ZNF534: variants seen among roughly 807,000 people sequenced by gnomAD.
The protein encoded by ZNF534 is zinc finger protein 534.
Under a neutral mutation model 13.6 loss-of-function variants are expected in ZNF534, and 19 were observed. The observed-to-expected ratio is 1.40, with a 90% confidence interval of 0.97 to 2.05. ZNF534 has a LOEUF of 2.05. ZNF534 is among the 30% of genes most tolerant of loss of function. The pLI, the probability that ZNF534 is intolerant of heterozygous loss-of-function variation, is 0.00. For synonymous variants in ZNF534, 244 were observed against 273.8 expected (o/e 0.89, Z 1.07); for missense variants, 782 against 796.3 (o/e 0.98, Z 0.22).
intron 4 of ZNF534, chr19:52,451,058 A>G (rs1256948152): frequency 1.9e-6 from 1 of 532,284 alleles, no homozygotes; most frequent in Middle Eastern, 4.7e-4. Context: ...TTGAATATGT[A>G]CATTGCGTTT....
In ZNF534 at chr19:52,439,193, A is replaced by G. The variant is rs1262524937; in HGVS notation, c.1733A>G (p.His578Arg). Residue 578 changes from histidine (H) to arginine (R), a missense_variant, in exon 5 of 5, where the codon CAC becomes CGC. Transcript: ENST00000433050. ...AATATTCATACTGGAGAGAAGCCTCACAGTTGTAATGAATGTGGCAAGGTC... is the reference window on the plus strand; with the variant it reads ...AATATTCATACTGGAGAGAAGCCTCGCAGTTGTAATGAATGTGGCAAGGTC... ...HRNIHTGEKPHSCNECGKVFS... is the reference protein window; with the variant it reads ...HRNIHTGEKPRSCNECGKVFS... The G allele has an allele frequency of 2.6e-6, 4 of 1,537,540 alleles. No homozygotes were observed. The Admixed American group carries it at 7.6e-5, about 29-fold the overall frequency.
intron 2 of ZNF534, among the ~76,000 whole-genome samples, chr19:52,433,128 A>T (rs75830472): frequency 0.15 from 21,803 of 149,730 alleles, 2,012 homozygotes; most frequent in African/African-American, 0.27. Flanking sequence ...CTGTAGTCCC[A>T]GCTACTCGGG....
At position 52,437,646 on chromosome 19, in the gene ZNF534, G is replaced by A. The variant is rs1042336110; in HGVS notation, c.272-86G>A. On this transcript the variant is annotated intron_variant, in intron 4 of 4. Coordinates refer to ENST00000433050, the MANE Select transcript of ZNF534 (RefSeq NM_001143938.3). ...GTATGCTGATAATTTCAATGTCTGA[G>A]TGAAGTGATGCAGAATCTTGTTTTC... 19 of 1,284,920 alleles carry A rather than the reference G, an allele frequency of 1.5e-5. No individual in the cohort carries two copies. In the African/African-American group the frequency reaches 2.7e-4, roughly 18 times the overall value. The allele number at this position is 1,284,920 out of a possible 1,614,324, so 79.6% of individuals were successfully genotyped here. A position where few individuals can be genotyped will look rare whatever the true frequency, so the allele number is the denominator to read the frequency against.
intron 3 of ZNF534, 96 bp from the exon 4 acceptor site, chr19:52,434,985 C>T: frequency 7.1e-7 from 1 of 1,405,834 alleles, no homozygotes; most frequent in East Asian, 2.4e-5. Flanking sequence ...AAATATTATT[C>T]TTGATTAATT....
Position 52,439,111 on chromosome 19 carries a change from A to G in ZNF534, c.1651A>G (p.Ser551Gly). The G allele has an allele frequency of 2.5e-6, 4 of 1,595,604 alleles. No homozygotes were observed. Among genetic ancestry groups the G allele is most frequent in the Non-Finnish European group, 3.4e-6 (4 of 1,170,462 alleles). Residue 551 changes from serine to glycine, a missense_variant, in exon 5 of 5, where the codon AGT becomes GGT. Ser to Gly is a moderately conservative substitution (Grantham distance 56). Coordinates refer to ENST00000433050, the MANE Select transcript of ZNF534 (RefSeq NM_001143938.3). ...TGTTCATACTGGAGAAAAGCCTTAC[A>G]GTTGTAATGAATGTGGCAAGGTCTT... ...RNVHTGEKPYSCNECGKVFSR... is the reference protein window; with the variant it reads ...RNVHTGEKPYGCNECGKVFSR...
chr19:52,434,185 G>A (rs1464186329), intron 3 of ZNF534, 104 bp downstream of exon 3: 2 of 1,500,198 alleles, frequency 1.3e-6, no homozygotes, highest in Non-Finnish European at 1.8e-6. Flanking sequence ...GACTGAGATT[G>A]AAACCTGTTG....
At chr19:52,446,555 T>TA (rs10656804), downstream of ZNF534, among the ~76,000 whole-genome samples, 4 of 151,508 alleles carry the variant, frequency 2.6e-5, no homozygotes, top group Admixed American at 6.6e-5. Context: ...GTGAGTGCTT[T>TA]AAAAAAAATC....
rs1400699965 is a variant in ZNF534, at chr19:52,439,504, G to A, written c.*58G>A. 4.2e-6 allele frequency: 6 copies of A among 1,444,876 alleles called. No individual in the cohort carries two copies. In the African/African-American group the frequency reaches 8.6e-5, roughly 21 times the overall value. The allele number at this position is 1,444,876 out of a possible 1,614,324, so 89.5% of individuals were successfully genotyped here. On this transcript the variant is annotated 3_prime_UTR_variant, in exon 5 of 5. Coordinates refer to ENST00000433050, the MANE Select transcript of ZNF534 (RefSeq NM_001143938.3). ...CACGTCTGTAATCCCAGCACTTTGGGAGTCCGAGGCAGGTGGATCATGAGG... is the reference window on the plus strand; with the variant it reads ...CACGTCTGTAATCCCAGCACTTTGGAAGTCCGAGGCAGGTGGATCATGAGG...
chr19:52,437,594 G>T, intron 4 of ZNF534, 138 bp from the exon 5 acceptor site: 1 of 833,444 alleles, frequency 1.2e-6, no homozygotes, highest in Non-Finnish European at 1.8e-6. Context: ...GGGTGACAAT[G>T]TGAGACTCCA....
chr19:52,451,825 T>G, exon 5 of ZNF534: 1 of 781,618 alleles, frequency 1.3e-6, no homozygotes. Flanking sequence ...CAAAAAAAGG[T>G]GATCGAATTG....
intron 1 of ZNF534, among the ~76,000 whole-genome samples, chr19:52,430,692 G>C (rs914605943): frequency 2.7e-5 from 4 of 149,870 alleles, no homozygotes; most frequent in Non-Finnish European, 4.4e-5. Flanking sequence ...TGGGATTATA[G>C]GTGCCTGCCA....
chr19:52,438,106 T>A lies in ZNF534; in HGVS notation c.646T>A (p.Cys216Ser). The part of the protein sequence containing the change: ...VIHIADKTYK[C>S]SDCGEIFSSN... ...CCACATTGCAGATAAAACTTACAAA[T>A]GTAGTGACTGTGGCGAGATCTTTAG... The change falls in exon 5 of 5, where the codon TGT (cysteine) becomes AGT (serine). Residue 216 changes from cysteine (C) to serine (S), a missense_variant. By Grantham distance (112) the Cys-to-Ser change is moderately radical. Coordinates refer to ENST00000433050, the MANE Select transcript of ZNF534 (RefSeq NM_001143938.3). 2 of 1,614,116 alleles carry A rather than the reference T, an allele frequency of 1.2e-6. No homozygotes were observed. The highest frequency in any genetic ancestry group is 1.7e-6 in the Non-Finnish European group (2 of 1,180,000).
chr19:52,452,069 C>T lies in ZNF534; in HGVS notation c.*572C>T, dbSNP rs567376256. 1.7e-5 allele frequency: 3 copies of T among 179,078 alleles called. No individual in the cohort carries two copies. The East Asian group carries it at 5.2e-4, about 31-fold the overall frequency. 11.1% of individuals were successfully genotyped at this position (179,078 alleles called of 1,614,324 possible). On this transcript the variant is annotated 3_prime_UTR_variant, in exon 5 of 5. Transcript: ENST00000301085. ...CTAGCTTTACCTTCTAAAAGTACTG[C>T]ATTTTTTTTTTATGATCAAAGAAGA... is the stretch of plus-strand genomic sequence containing the variant.
chr19:52,431,412 C>A lies in ZNF534; in HGVS notation c.-63C>A. On this transcript the variant is annotated 5_prime_UTR_variant, in exon 2 of 5. Coordinates refer to ENST00000433050, the MANE Select transcript of ZNF534 (RefSeq NM_001143938.3). ...CAGCATTATTTTTGATACTAGGATT[C>A]ACTTTCAAAGAGACATATTATGCAA... The A allele has an allele frequency of 1.2e-6, 2 of 1,606,612 alleles. No homozygotes were observed. Among genetic ancestry groups the A allele is most frequent in the African/African-American group, 1.3e-5 (1 of 74,766 alleles).
chr19:52,441,164 A>G lies in ZNF534; in HGVS notation c.*1718A>G, dbSNP rs1019625183. 6.6e-6 allele frequency among the ~76,000 whole-genome samples: 1 copy of G among 151,752 alleles called. No homozygotes were observed. The highest frequency in any genetic ancestry group is 2.4e-5 in the African/African-American group (1 of 41,320). On this transcript the variant is annotated 3_prime_UTR_variant, in exon 5 of 5. Transcript: ENST00000433050. ...TGTGATCCATCTGCCTTGGCCTCCC[A>G]AAGTGCTGGGATTACAGGCATGAGC...
chr19:52,437,997 A>G lies in ZNF534; in HGVS notation c.537A>G (p.Val179=), dbSNP rs1371376899. The change falls in exon 5 of 5, where the codon GTA becomes GTG. Residue 179 remains valine, a synonymous_variant. Transcript: ENST00000433050. ...FSTLLPQEQK[V]HIREKPYGCN... is the part of the protein sequence containing the mutation. ...CATTACTCCCACAAGAACAGAAAGTACACATTAGGGAAAAGCCTTATGGAT... is the reference window on the plus strand; with the variant it reads ...CATTACTCCCACAAGAACAGAAAGTGCACATTAGGGAAAAGCCTTATGGAT... 6.2e-7 allele frequency: 1 copy of G among 1,614,062 alleles called. No homozygotes were observed. Among genetic ancestry groups the G allele is most frequent in the Non-Finnish European group, 8.5e-7 (1 of 1,180,038 alleles).
rs1236676251 is a variant in ZNF534 at position 52,434,010 on chromosome 19, GCCTGGAC to G, written c.77_83del (p.Asp26GlyfsTer9). The G allele has an allele frequency of 6.2e-7, 1 of 1,614,028 alleles. No homozygotes were observed. Among genetic ancestry groups the G allele is most frequent in the Non-Finnish European group, 8.5e-7 (1 of 1,180,022 alleles). ...GAATTCTCTCAGGAGGAGTGGAAAT[GCCTGGAC>G]CCTGGGCAGAAAGCTTTATACAGGG... is the stretch of plus-strand genomic sequence containing the variant. On this transcript the variant is annotated frameshift_variant, in exon 3 of 5. Coordinates refer to ENST00000433050, the MANE Select transcript of ZNF534 (RefSeq NM_001143938.3). LOFTEE classifies it high-confidence loss of function.
downstream of ZNF534, among the ~76,000 whole-genome samples, chr19:52,445,915 T>C (rs2122722436): frequency 6.6e-6 from 1 of 152,336 alleles, no homozygotes; most frequent in East Asian, 1.9e-4. Flanking sequence ...TTACCTGTGT[T>C]ACTCCTCTGA....
intron 3 of ZNF534, among the ~76,000 whole-genome samples, chr19:52,434,404 G>C (rs2059114655): frequency 7.3e-6 from 1 of 137,518 alleles, no homozygotes; most frequent in East Asian, 2.1e-4. Context: ...GGCGGAGCTT[G>C]CAGTGAGCCA....
Sources: allele counts gnomAD v4.1 joint callset (sites outside exome capture counted in the v4.1 genomes callset), GRCh38; gene constraint gnomAD v4.1.1; transcripts MANE v1.5; gene names NCBI Gene and HGNC (gene_info 2026-07-23, HGNC 2026-07-21).